The following GLDC variants were observed in gnomAD, a reference collection of about 807,000 sequenced individuals.
The protein encoded by GLDC is glycine dehydrogenase (decarboxylating), mitochondrial.
A neutral mutation model predicts 121.3 loss-of-function variants in GLDC; 104 were observed. The observed-to-expected ratio is 0.86, with a 90% CI of 0.73 to 1.01. The LOEUF (loss-of-function observed/expected upper bound fraction) is 1.01, where lower values mean the gene tolerates loss of function less well. Ranked by LOEUF, GLDC falls within the 50% of genes least tolerant of loss-of-function variation. The probability of loss-of-function intolerance (pLI) is 0.00; values close to 1 mark genes in which losing one functional copy is unlikely to be tolerated. For synonymous variants in GLDC, 546 were observed against 480.6 expected (o/e 1.14, Z -1.78); for missense variants, 1,429 against 1,306.6 (o/e 1.09, Z -1.44).
At chr9:6,581,496 A>C (rs186429830) in intron 15 of GLDC, among the ~76,000 whole-genome samples, 110 of 152,352 alleles carry the variant, frequency 7.2e-4, no homozygotes, top group African/African-American at 2.6e-3. Context: ...CCAGAGGCAT[A>C]GTGGCGTCTC....
chr9:6,639,747 T>C (rs1020108), intron 2 of GLDC: 46,288 of 168,922 alleles, frequency 0.27, 7,240 homozygotes, highest in East Asian at 0.49. Context: ...TACCAGACCA[T>C]ATTTAAAAAT....
At chr9:6,614,464 G>C (rs975799155) in intron 3 of GLDC, among the ~76,000 whole-genome samples, 2 of 152,050 alleles carry the variant, frequency 1.3e-5, no homozygotes, top group African/African-American at 4.8e-5. Context: ...TCAAACTCCT[G>C]GGCTCAAAGA....
intron 15 of GLDC, among the ~76,000 whole-genome samples, chr9:6,579,271 ATCATT>A (rs899670832): frequency 1.1e-4 from 16 of 152,196 alleles, no homozygotes; most frequent in Admixed American, 9.2e-4. Flanking sequence ...TTTATCTTTA[ATCATT>A]TCATTTTTTA....
rs113013315 is a variant in GLDC at position 6,607,928 on chromosome 9, G to A, written c.636-1259C>T. Among the ~76,000 whole-genome samples, 567 of 151,848 alleles carry A rather than the reference G, an allele frequency of 3.7e-3. 3 individuals carry two copies. The highest frequency in any genetic ancestry group is 0.013 in the African/African-American group (544 of 41,434). On this transcript the variant is annotated intron_variant, in intron 4 of 24. Coordinates refer to ENST00000321612, the MANE Select transcript of GLDC (RefSeq NM_000170.3). ...GCTCGAGCTCAGGGGTTCAAGACCA[G>A]CCTGGGCAACATGGCAAAACCCTAT...
chr9:6,644,050 A>AAAAAAAAAAC (rs55988287), intron 2 of GLDC, among the ~76,000 whole-genome samples: 1,359 of 92,594 alleles, frequency 0.015, 93 homozygotes, highest in African/African-American at 0.045. Context: ...AAAAAAAAAA[A>AAAAAAAAAAC]CGAAAAAAAA....
chr9:6,621,584 C>G (rs765052199), intron 2 of GLDC, among the ~76,000 whole-genome samples: 18 of 152,306 alleles, frequency 1.2e-4, no homozygotes, highest in Non-Finnish European at 2.2e-4. Context: ...GTGGCTCGAT[C>G]TTGGCTCACT....
At chr9:6,595,671 C>G (rs913177513) in intron 8 of GLDC, among the ~76,000 whole-genome samples, 1 of 152,182 alleles carries the variant, frequency 6.6e-6, no homozygotes, top group Non-Finnish European at 1.5e-5. Flanking sequence ...GCAAAAACGG[C>G]AATGCGCACT....
In GLDC at chr9:6,574,445, C is replaced by T. The variant is rs535646267; in HGVS notation, c.1851-9016G>A. 1.2e-3 allele frequency among the ~76,000 whole-genome samples: 177 copies of T among 146,200 alleles called. 2 individuals are homozygous for T. Among genetic ancestry groups the T allele is most frequent in the African/African-American group, 4.2e-3 (166 of 39,220 alleles). On this transcript the variant is annotated intron_variant, in intron 15 of 24. Coordinates refer to ENST00000321612, the MANE Select transcript of GLDC (RefSeq NM_000170.3). Reference sequence around the variant, plus strand: ...TTATGCCACTGCACTCCAGCCTGGGCGACACAGCAAGACTCCGTCTCAAAA... The same window carrying T: ...TTATGCCACTGCACTCCAGCCTGGGTGACACAGCAAGACTCCGTCTCAAAA...
At chr9:6,619,545 C>A (rs879712048) in intron 3 of GLDC, among the ~76,000 whole-genome samples, 2 of 152,088 alleles carry the variant, frequency 1.3e-5, no homozygotes, top group African/African-American at 2.4e-5. Context: ...CTGGCCAACA[C>A]GGTGAAACCC....
chr9:6,642,592 G>C (rs1231409244), intron 2 of GLDC, among the ~76,000 whole-genome samples: 1 of 152,070 alleles, frequency 6.6e-6, no homozygotes, highest in African/African-American at 2.4e-5. Flanking sequence ...TACTTTTCAG[G>C]AGCCCACTTC....
intron 16 of GLDC, among the ~76,000 whole-genome samples, chr9:6,563,925 G>C (rs1227153534): frequency 6.6e-6 from 1 of 151,820 alleles, no homozygotes; most frequent in African/African-American, 2.4e-5. Flanking sequence ...GAGCCCAGGA[G>C]TTCAAGGCTG....
rs760961076 is a variant in GLDC, at chr9:6,536,232, A to G, written c.2670T>C (p.Phe890=). 9 of 1,613,240 alleles carry G rather than the reference A, an allele frequency of 5.6e-6. No homozygotes were observed. Among genetic ancestry groups the G allele is most frequent in the Admixed American group, 3.3e-5 (2 of 59,896 alleles). ...CAGGCCAGGACATGGTAGGGGCGTG[A>G]AATCCTGCAAAGGGAGACAGGAGAA... ...DVAKRLQDYG[F]HAPTMSWPVA... is the part of the protein sequence containing the mutation. The change falls in exon 23 of 25, where the codon TTT becomes TTC. Residue 890 remains phenylalanine, a synonymous_variant. Coordinates refer to ENST00000321612, the MANE Select transcript of GLDC (RefSeq NM_000170.3).
chr9:6,560,315 A>T (rs1034103465), intron 16 of GLDC, among the ~76,000 whole-genome samples: 1 of 152,246 alleles, frequency 6.6e-6, no homozygotes, highest in Non-Finnish European at 1.5e-5. Context: ...ACAGCAAAGG[A>T]GTCTACTTAA....
intron 11 of GLDC, among the ~76,000 whole-genome samples, chr9:6,591,526 C>A (rs566543241): frequency 6.6e-6 from 1 of 152,280 alleles, no homozygotes; most frequent in African/African-American, 2.4e-5. Context: ...CATAATTTTC[C>A]AATGAATGAC....
chr9:6,640,263 T>A (rs1029298282), intron 2 of GLDC, among the ~76,000 whole-genome samples: 1 of 152,216 alleles, frequency 6.6e-6, no homozygotes. Context: ...AAAGAAGAAA[T>A]AATAATTCCT....
At chr9:6,605,453 C>G (rs960484036) in intron 5 of GLDC, 175 bp from the exon 6 acceptor site, 6 of 668,546 alleles carry the variant, frequency 9.0e-6, no homozygotes, top group Non-Finnish European at 1.6e-5. Flanking sequence ...CACAGCAACT[C>G]AAGCGCATCC....
At position 6,553,414 on chromosome 9, in the gene GLDC, G is replaced by T. The variant is rs898034407; in HGVS notation, c.2411C>A (p.Pro804Gln). ...GGGCAAGATGGAACTGGAGCCCCAT[G>T]GGGCCGCACTGACGGTTCCCACAGG... ...ACPVGTVSAA[P>Q]WGSSSILPIS... Residue 804 changes from proline to glutamine, a missense_variant, in exon 20 of 25, where the codon CCA becomes CAA. Transcript: ENST00000321612. 1.2e-6 allele frequency: 2 copies of T among 1,613,758 alleles called. No individual in the cohort carries two copies. Among genetic ancestry groups the T allele is most frequent in the African/African-American group, 2.7e-5 (2 of 74,916 alleles).
At chr9:6,560,336 C>T (rs962288057) in intron 16 of GLDC, among the ~76,000 whole-genome samples, 5 of 152,162 alleles carry the variant, frequency 3.3e-5, no homozygotes, top group East Asian at 1.9e-4. Context: ...GAAAAATAAA[C>T]GTGTACAAAA....
intron 23 of GLDC, 90 bp downstream of exon 23, chr9:6,535,974 A>C: frequency 9.4e-7 from 1 of 1,058,202 alleles, no homozygotes; most frequent in East Asian, 2.4e-5. Flanking sequence ...TATCATCCTC[A>C]GTTGAGAGTT....
Sources: allele counts gnomAD v4.1 joint callset (sites outside exome capture counted in the v4.1 genomes callset), GRCh38; gene constraint gnomAD v4.1.1; transcripts MANE v1.5; gene names NCBI Gene and HGNC (gene_info 2026-07-23, HGNC 2026-07-21).